The following KDM6A variants were observed in gnomAD, a reference collection of about 807,000 sequenced individuals.
KDM6A encodes the protein lysine demethylase 6A, also known as lysine-specific demethylase 6A.
Under a neutral mutation model 117.6 loss-of-function variants are expected in KDM6A, and 11 were observed. The observed-to-expected ratio is 0.09, with a 90% confidence interval of 0.06 to 0.15. KDM6A has a LOEUF of 0.15. KDM6A is among the 10% of genes least tolerant of loss of function. The pLI is 1.00. For missense variants in KDM6A, 799 were observed against 1,077.3 expected (o/e 0.74, Z 3.62); for synonymous variants, 384 against 396.1 (o/e 0.97, Z 0.36).
At chrX:45,057,113 G>A (rs891514713) in intron 10 of KDM6A, among the ~76,000 whole-genome samples, 15 of 111,295 alleles carry the variant, frequency 1.3e-4, no homozygotes, top group African/African-American at 4.6e-4. Flanking sequence ...CCCTTTAGAT[G>A]TCCTGTGTTT....
At chrX:45,085,737 G>A in intron 24 of KDM6A, 128 bp from the exon 25 acceptor site, 1 of 480,203 alleles carries the variant, frequency 2.1e-6, no homozygotes, top group Non-Finnish European at 3.7e-6. Flanking sequence ...GCATTTGTAA[G>A]GTTTTGTTTC....
chrX:45,026,708 G>A (rs906142781), intron 6 of KDM6A, among the ~76,000 whole-genome samples: 13 of 106,203 alleles, frequency 1.2e-4, no homozygotes, highest in Admixed American at 3.1e-4. Flanking sequence ...TGGCGCGCCT[G>A]TAGTCCCAGC....
chrX:45,096,197 A>G (rs1374150148), intron 27 of KDM6A, among the ~76,000 whole-genome samples: 2 of 112,009 alleles, frequency 1.8e-5, no homozygotes, highest in Non-Finnish European at 3.8e-5. Context: ...TGTTATTTTT[A>G]ATTCTTAAAT....
At chrX:44,929,205 G>A (rs1025217917) in intron 2 of KDM6A, among the ~76,000 whole-genome samples, 1 of 105,979 alleles carries the variant, frequency 9.4e-6, no homozygotes, top group Non-Finnish European at 1.9e-5. Context: ...GCTGGGATAA[G>A]TCATTTTACT....
intron 2 of KDM6A, among the ~76,000 whole-genome samples, chrX:44,889,197 T>C (rs1330118246): frequency 2.7e-5 from 3 of 111,441 alleles, no homozygotes; most frequent in Non-Finnish European, 5.6e-5. Context: ...GTAATTTTAG[T>C]AGAGACAGGG....
intron 8 of KDM6A, among the ~76,000 whole-genome samples, chrX:45,043,870 A>G (rs748082403): frequency 1.8e-5 from 2 of 112,574 alleles, no homozygotes; most frequent in South Asian, 3.7e-4. Context: ...GTGCCGCACA[A>G]TGATGTTTTG....
At chrX:45,015,900 G>A (rs748346052) in intron 5 of KDM6A, among the ~76,000 whole-genome samples, 1 of 111,466 alleles carries the variant, frequency 9.0e-6, no homozygotes, top group East Asian at 2.8e-4. Context: ...ATAGGGTAGG[G>A]GAAAGAAAAT....
chrX:45,076,744 A>T lies in KDM6A; in HGVS notation c.2906A>T (p.Lys969Ile). ...TCTAACAGTAGCATTTTGTTGGATA[A>T]ATGTCCACCTCCAAGACCACCATCT... ...GLSNSSILLDKCPPPRPPSSP... is the reference protein window; with the variant it reads ...GLSNSSILLDICPPPRPPSSP... The change falls in exon 19 of 30, where the codon AAA becomes ATA. Residue 969 changes from lysine to isoleucine, a missense_variant. Around this residue, in one of 8 missense-constraint regions of KDM6A, gnomAD observed 291 missense variants for 437.9 expected, o/e 0.66. Coordinates refer to ENST00000611820, the MANE Select transcript of KDM6A (RefSeq NM_001291415.2). 1 of 1,186,916 alleles carries T rather than the reference A, an allele frequency of 8.4e-7. No individual in the cohort carries two copies. Among genetic ancestry groups the T allele is most frequent in the East Asian group, 3.0e-5 (1 of 33,602 alleles).
chrX:45,040,783 A>C (rs1472887502), intron 8 of KDM6A, among the ~76,000 whole-genome samples: 47 of 20,866 alleles, frequency 2.3e-3, no homozygotes, highest in African/African-American at 3.8e-3. Context: ...TGACCCCCCC[A>C]ACCTCCCTCC....
chrX:45,026,607 C>A (rs1310127356), intron 6 of KDM6A, among the ~76,000 whole-genome samples: 2 of 108,226 alleles, frequency 1.8e-5, no homozygotes, highest in African/African-American at 6.8e-5. Flanking sequence ...CGGGTGGGTC[C>A]CCTGAGGTCA....
At chrX:45,084,021 C>T (rs1437122172) in intron 24 of KDM6A, among the ~76,000 whole-genome samples, 2 of 111,659 alleles carry the variant, frequency 1.8e-5, no homozygotes, top group Non-Finnish European at 3.8e-5. Flanking sequence ...TTGAACAATA[C>T]GTTTTCCAAT....
At chrX:44,984,202 A>G (rs1304798592) in intron 4 of KDM6A, among the ~76,000 whole-genome samples, 1 of 110,635 alleles carries the variant, frequency 9.0e-6, no homozygotes, top group Non-Finnish European at 1.9e-5. Flanking sequence ...GGCTGCATAA[A>G]TGTCTTCTTT....
intron 8 of KDM6A, among the ~76,000 whole-genome samples, chrX:45,040,618 G>T (rs1401040312): frequency 1.1e-5 from 1 of 88,837 alleles, no homozygotes; most frequent in African/African-American, 4.4e-5. Flanking sequence ...CTGGCCAGGC[G>T]GGGGGCTGAT....
chrX:45,016,996 A>T (rs1227967770), intron 5 of KDM6A, among the ~76,000 whole-genome samples: 1 of 110,283 alleles, frequency 9.1e-6, no homozygotes, highest in African/African-American at 3.4e-5. Context: ...TTAGCTTTAT[A>T]TCATTTTCTT....
chrX:45,040,639 C>G (rs1472988416), intron 8 of KDM6A, among the ~76,000 whole-genome samples: 1 of 89,439 alleles, frequency 1.1e-5, no homozygotes, highest in Non-Finnish European at 2.2e-5. Flanking sequence ...CACACCACTT[C>G]CCTCCCGGAC....
At chrX:44,930,717 G>C (rs1397313114) in intron 2 of KDM6A, among the ~76,000 whole-genome samples, 8 of 112,003 alleles carry the variant, frequency 7.1e-5, no homozygotes, top group African/African-American at 2.6e-4. Flanking sequence ...TAAGTTGAAA[G>C]ATACGCACTT....
At chrX:45,033,186 C>G (rs2042671621) in intron 6 of KDM6A, among the ~76,000 whole-genome samples, 1 of 111,780 alleles carries the variant, frequency 8.9e-6, no homozygotes, top group Admixed American at 9.5e-5. Context: ...CTCTTGTGCT[C>G]TTTTTGTCTA....
intron 2 of KDM6A, among the ~76,000 whole-genome samples, chrX:44,924,618 T>C (rs1474734253): frequency 1.8e-5 from 2 of 109,574 alleles, no homozygotes; most frequent in Admixed American, 2.0e-4. Context: ...GCCATGTGGA[T>C]ATTTCCAGTG....
At chrX:44,995,865 G>C (rs763295050) in intron 4 of KDM6A, among the ~76,000 whole-genome samples, 1 of 111,407 alleles carries the variant, frequency 9.0e-6, no homozygotes, top group Non-Finnish European at 1.9e-5. Flanking sequence ...GGAAGTTGTT[G>C]ATGTTATTAG....
Sources: gnomAD v4.1 joint callset for allele counts (sites outside exome capture counted in the v4.1 genomes callset) on GRCh38, gnomAD v4.1.1 for gene constraint, gnomAD v4.1.1 regional missense constraint, MANE v1.5 for transcripts, NCBI Gene and HGNC (gene_info 2026-07-23, HGNC 2026-07-21) for gene names.